Variants in MLLT3 observed in about 807,000 individuals in gnomAD.
MLLT3 encodes MLLT3 super elongation complex subunit, also known as protein AF-9.
MLLT3 carries 4 observed loss-of-function variants against 53.2 expected under a neutral mutation model. The ratio of observed to expected loss-of-function variants is 0.08; its 90% CI spans 0.04 to 0.17. The LOEUF (loss-of-function observed/expected upper bound fraction) is 0.17, where lower values mean the gene tolerates loss of function less well. Ranked by LOEUF, MLLT3 falls within the 10% of genes least tolerant of loss-of-function variation. The pLI is 1.00. For synonymous variants in MLLT3, 283 were observed against 230.6 expected (o/e 1.23, Z -2.06); for missense variants, 569 against 684.0 (o/e 0.83, Z 1.87).
rs148314979 is a variant in MLLT3 at position 20,343,332 on chromosome 9, C to G, written c.*3111G>C. 1 of 207,280 alleles carries G rather than the reference C, an allele frequency of 4.8e-6. No homozygotes were observed. Among genetic ancestry groups the G allele is most frequent in the African/African-American group, 2.3e-5 (1 of 43,752 alleles). 12.8% of individuals were successfully genotyped at this position (207,280 alleles called of 1,614,324 possible). The stretch of plus-strand genomic sequence containing the variant: ...AGCAATTTAAAATGTTTAAGACACT[C>G]TCTTAAGAGATATTTTTTTCCTGAT... On this transcript the variant is annotated 3_prime_UTR_variant, in exon 11 of 11. Transcript: ENST00000380338.
At chr9:20,407,318 T>C (rs776640976) in intron 5 of MLLT3, among the ~76,000 whole-genome samples, 4 of 152,134 alleles carry the variant, frequency 2.6e-5, no homozygotes, top group Admixed American at 6.6e-5. Context: ...CCTGATGATA[T>C]AGTATAATAA....
At chr9:20,466,747 T>C (rs1824247960) in intron 2 of MLLT3, among the ~76,000 whole-genome samples, 1 of 152,088 alleles carries the variant, frequency 6.6e-6, no homozygotes, top group Non-Finnish European at 1.5e-5. Context: ...GGGGGACAAA[T>C]ATAAGAGCAC....
chr9:20,437,003 T>C (rs557543373), intron 4 of MLLT3, among the ~76,000 whole-genome samples: 2 of 152,158 alleles, frequency 1.3e-5, no homozygotes, highest in African/African-American at 2.4e-5. Context: ...AACAGACTGA[T>C]AGAGATTAGT....
At chr9:20,459,869 C>T (rs1824066713) in intron 2 of MLLT3, among the ~76,000 whole-genome samples, 1 of 152,024 alleles carries the variant, frequency 6.6e-6, no homozygotes, top group Non-Finnish European at 1.5e-5. Context: ...TCTGTAAACC[C>T]CTGAGTTCTT....
intron 2 of MLLT3, among the ~76,000 whole-genome samples, chr9:20,582,078 G>A (rs1819806994): frequency 6.6e-6 from 1 of 152,092 alleles, no homozygotes; most frequent in East Asian, 1.9e-4. Flanking sequence ...ACTTTTTAAA[G>A]CAGTTTTAGG....
chr9:20,518,077 C>A (rs762395168), intron 2 of MLLT3, among the ~76,000 whole-genome samples: 1 of 152,160 alleles, frequency 6.6e-6, no homozygotes, highest in East Asian at 1.9e-4. Context: ...CTGTGGCTCA[C>A]GCCTATAATC....
In MLLT3 at chr9:20,495,490, T is replaced by G. The variant is rs549111983; in HGVS notation, c.194-38704A>C. ...GCTGCAAAAAATCTACAGTCAGCAA[T>G]GAATAAATCATTCCTAGAGATTACT... On this transcript the variant is annotated intron_variant, in intron 2 of 10. Transcript: ENST00000380338. 2.0e-5 allele frequency among the ~76,000 whole-genome samples: 3 copies of G among 152,316 alleles called. No homozygotes were observed. In the South Asian group the frequency reaches 6.2e-4, roughly 32 times the overall value.
At chr9:20,523,667 G>A (rs936282797) in intron 2 of MLLT3, among the ~76,000 whole-genome samples, 2 of 152,062 alleles carry the variant, frequency 1.3e-5, no homozygotes, top group Non-Finnish European at 2.9e-5. Flanking sequence ...CAAAATTATA[G>A]AGACAGTAAA....
Position 20,621,019 on chromosome 9 carries a change from G to A in MLLT3, c.13-185C>T. 1.3e-6 allele frequency: 1 copy of A among 758,096 alleles called. No individual in the cohort carries two copies. The highest frequency in any genetic ancestry group is 2.0e-5 in the Admixed American group (1 of 49,600). 47.0% of individuals were successfully genotyped at this position (758,096 alleles called of 1,614,324 possible). ...TCCACACCCCCAAATATACCCGCCCGCCCGGCCCGGCTTGGCCCCAGGCGC... is the reference window on the plus strand; with the variant it reads ...TCCACACCCCCAAATATACCCGCCCACCCGGCCCGGCTTGGCCCCAGGCGC... On this transcript the variant is annotated intron_variant, in intron 1 of 10. Transcript: ENST00000380338. The surrounding 1 kb of genome is among the most constrained non-coding windows in gnomAD (Gnocchi z 7.0).
intron 2 of MLLT3, chr9:20,533,286 A>C (rs1818392545): frequency 3.1e-6 from 1 of 327,080 alleles, no homozygotes; most frequent in South Asian, 3.2e-5. Context: ...TGTGGCTCAC[A>C]TTGCCAAGCT....
chr9:20,622,331 A>G lies in MLLT3; in HGVS notation c.-75T>C. The stretch of plus-strand genomic sequence containing the variant: ...CTCCGCCCCCCCTCAGCTGTAATTC[A>G]TGAAGAGGCTGCTATGAATGAGAGC... On this transcript the variant is annotated 5_prime_UTR_variant, in exon 1 of 11. An upstream start codon of the reference 5' UTR is lost. Coordinates refer to ENST00000380338, the MANE Select transcript of MLLT3 (RefSeq NM_004529.4). The G allele has an allele frequency of 1.5e-6, 2 of 1,340,706 alleles. No individual in the cohort carries two copies. The highest frequency in any genetic ancestry group is 1.5e-5 in the South Asian group (1 of 68,028). The allele number at this position is 1,340,706 out of a possible 1,614,324, so 83.1% of individuals were successfully genotyped here.
At chr9:20,383,876 C>G (rs768006398) in intron 5 of MLLT3, among the ~76,000 whole-genome samples, 23 of 151,848 alleles carry the variant, frequency 1.5e-4, no homozygotes, top group Non-Finnish European at 1.2e-4. Flanking sequence ...GACTTCTATA[C>G]AAACAGAATA....
rs1196780997 is a variant in MLLT3 at position 20,447,912 on chromosome 9, G to GT, written c.420+210dup. Among the ~76,000 whole-genome samples, 3 of 152,202 alleles carry GT rather than the reference G, an allele frequency of 2.0e-5. No individual in the cohort carries two copies. In the East Asian group the frequency reaches 5.8e-4, roughly 29 times the overall value. On this transcript the variant is annotated intron_variant, in intron 4 of 10. Transcript: ENST00000380338. ...TCTTAAGGCTGTTTTAATAAATAGT[G>GT]TAATTTCAAACTTAAGCCTATCTAA...
chr9:20,552,921 T>C (rs1818961801), intron 2 of MLLT3, among the ~76,000 whole-genome samples: 1 of 152,130 alleles, frequency 6.6e-6, no homozygotes, highest in Non-Finnish European at 1.5e-5. Context: ...TATATGCTTA[T>C]CAAAAAGTTG....
At position 20,342,309 on chromosome 9, in the gene MLLT3, C is replaced by A. The variant is rs1820754527; in HGVS notation, c.*4134G>T. ...GAAGGGAAATACATCTTACAGTGTG[C>A]CTTGAATTCACACAAAAGCATGTAC... On this transcript the variant is annotated 3_prime_UTR_variant, in exon 11 of 11. Transcript: ENST00000380338. 4.5e-6 allele frequency: 1 copy of A among 224,568 alleles called. No individual in the cohort carries two copies. Among genetic ancestry groups the A allele is most frequent in the African/African-American group, 2.2e-5 (1 of 44,852 alleles). The allele number at this position is 224,568 out of a possible 1,614,324, so 13.9% of individuals were successfully genotyped here. A position where few individuals can be genotyped will look rare whatever the true frequency, so the allele number is the denominator to read the frequency against.
chr9:20,478,927 T>C (rs1162149048), intron 2 of MLLT3, among the ~76,000 whole-genome samples: 1 of 152,108 alleles, frequency 6.6e-6, no homozygotes, highest in African/African-American at 2.4e-5. Context: ...ATAGAGGGCC[T>C]GGTGTACAAT....
chr9:20,366,415 G>T (rs1447413831), intron 5 of MLLT3, among the ~76,000 whole-genome samples: 1 of 152,070 alleles, frequency 6.6e-6, no homozygotes, highest in African/African-American at 2.4e-5. Context: ...TGGTGTACAT[G>T]TGCCACATGT....
intron 2 of MLLT3, among the ~76,000 whole-genome samples, chr9:20,615,989 C>G (rs1475827370): frequency 6.6e-6 from 1 of 151,602 alleles, no homozygotes; most frequent in Admixed American, 6.6e-5. Flanking sequence ...TAATAGGTTA[C>G]TACCTTTAGA....
intron 2 of MLLT3, among the ~76,000 whole-genome samples, chr9:20,495,400 T>C (rs775069313): frequency 5.3e-5 from 8 of 152,180 alleles, no homozygotes; most frequent in Non-Finnish European, 1.2e-4. Context: ...AGCACTAGTC[T>C]AGAGGTTAAG....
Sources: gnomAD v4.1 joint callset for allele counts (sites outside exome capture counted in the v4.1 genomes callset) on GRCh38, gnomAD v4.1.1 for gene constraint, Gnocchi (gnomAD v3.1) non-coding constraint, MANE v1.5 for transcripts, NCBI Gene and HGNC (gene_info 2026-07-23, HGNC 2026-07-21) for gene names.